The following COL3A1 variants were observed in gnomAD, a reference collection of about 807,000 sequenced individuals.
COL3A1 encodes the protein collagen alpha-1(III) chain.
A neutral mutation model predicts 200.9 loss-of-function variants in COL3A1; 46 were observed. That is an observed-to-expected ratio of 0.23 (90% CI 0.18 to 0.29). The LOEUF (loss-of-function observed/expected upper bound fraction) is 0.29. COL3A1 is among the 10% of genes least tolerant of loss of function. The pLI, the probability that COL3A1 is intolerant of heterozygous loss-of-function variation, is 1.00. For synonymous variants in COL3A1, 650 were observed against 628.0 expected (o/e 1.03, Z -0.52); for missense variants, 1,367 against 1,917.6 (o/e 0.71, Z 5.36).
Position 188,994,489 on chromosome 2 carries a change from T to C in COL3A1, c.1294-52T>C, listed in dbSNP as rs1688257137. 1 of 1,597,348 alleles carries C rather than the reference T, an allele frequency of 6.3e-7. No individual in the cohort carries two copies. Among genetic ancestry groups the C allele is most frequent in the African/African-American group, 1.3e-5 (1 of 74,674 alleles). ...CTGAATTATGTGTTACTGGTGATGA[T>C]TTGTTAGTCGAATCCTCCCTGTGTT... On this transcript the variant is annotated intron_variant, in intron 18 of 50. Coordinates refer to ENST00000304636, the MANE Select transcript of COL3A1 (RefSeq NM_000090.4). This position sits in a 1 kb window ranked among gnomAD's most constrained non-coding sequence, Gnocchi z 4.5.
At chr2:188,999,176 T>C in intron 29 of COL3A1, 109 bp from the exon 30 acceptor site, 1 of 1,037,256 alleles carries the variant, frequency 9.6e-7, no homozygotes, top group Non-Finnish European at 1.5e-6. Context: ...ATTTCTAGAT[T>C]GTTCACAATA....
chr2:188,985,122 T>C (rs1688037361), intron 2 of COL3A1, 75 bp from the exon 3 acceptor site: 1 of 1,474,996 alleles, frequency 6.8e-7, no homozygotes, highest in Non-Finnish European at 9.5e-7. Context: ...AAGATAAGGA[T>C]TGGTTAGAAT....
At chr2:188,993,259 A>G in intron 15 of COL3A1, 102 bp from the exon 16 acceptor site, 2 of 964,192 alleles carry the variant, frequency 2.1e-6, no homozygotes, top group Non-Finnish European at 3.3e-6. Flanking sequence ...GAGTCCCACT[A>G]CTCCAACTTT....
intron 5 of COL3A1, among the ~76,000 whole-genome samples, chr2:188,987,368 C>G (rs1057217354): frequency 6.7e-6 from 1 of 148,580 alleles, no homozygotes; most frequent in Admixed American, 6.7e-5. Context: ...AAAAAAAAAC[C>G]AAAGTCAACA....
intron 26 of COL3A1, 49 bp downstream of exon 26, chr2:188,997,438 G>C (rs1465732073): frequency 6.4e-7 from 1 of 1,557,310 alleles, no homozygotes; most frequent in African/African-American, 1.4e-5. Context: ...TGGAGGTGGG[G>C]CAGGAAGAAT....
At chr2:188,990,913 G>T (rs1688173948) in intron 10 of COL3A1, 91 bp from the exon 11 acceptor site, 3 of 1,309,092 alleles carry the variant, frequency 2.3e-6, no homozygotes, top group South Asian at 1.2e-5. Flanking sequence ...GTGTTATGAA[G>T]ACCAATTAGA....
chr2:189,002,911 A>T (rs779839844), intron 35 of COL3A1, 44 bp from the exon 36 acceptor site: 145 of 1,336,934 alleles, frequency 1.1e-4, no homozygotes, highest in Non-Finnish European at 1.5e-4. Context: ...CAATTGTATC[A>T]TAAAGAGTGT....
chr2:188,994,680 T>G lies in COL3A1; in HGVS notation c.1348-44T>G, dbSNP rs751594745. 3 of 1,611,890 alleles carry G rather than the reference T, an allele frequency of 1.9e-6. No individual in the cohort carries two copies. The South Asian group carries it at 3.3e-5, about 18-fold the overall frequency. On this transcript the variant is annotated intron_variant, in intron 19 of 50. Transcript: ENST00000304636. The surrounding 1 kb of genome is among the most constrained non-coding windows in gnomAD (Gnocchi z 4.5). Reference sequence around the variant, plus strand: ...AAACAGGTAAAAACTTTGAACTAAATTCAGTCATAATTTCTTTATTTTACC... The same window carrying G: ...AAACAGGTAAAAACTTTGAACTAAAGTCAGTCATAATTTCTTTATTTTACC...
rs1688542098 is a variant in COL3A1 at position 189,004,368 on chromosome 2, A to G, written c.2931+4A>G. The stretch of plus-strand genomic sequence containing the variant: ...CCCTGGCCCTCAGGGTGTCAAGGTG[A>G]GTATAGTCATTTTCCACTACACTCT... On this transcript the variant is annotated splice_donor_region_variant and intron_variant, in intron 40 of 50. Coordinates refer to ENST00000304636, the MANE Select transcript of COL3A1 (RefSeq NM_000090.4). 1 of 1,585,720 alleles carries G rather than the reference A, an allele frequency of 6.3e-7. No homozygotes were observed.
intron 23 of COL3A1, 39 bp downstream of exon 23, chr2:188,996,217 TAAA>T: frequency 6.4e-7 from 1 of 1,560,020 alleles, no homozygotes; most frequent in Non-Finnish European, 8.8e-7. Flanking sequence ...AAAGGCCAGT[TAAA>T]ATGGAATGTA....
chr2:189,008,356 G>T lies in COL3A1; in HGVS notation c.3525+214G>T, dbSNP rs573321243. The T allele has an allele frequency of 1.5e-4, 87 of 572,352 alleles. 2 individuals carry two copies. The South Asian group carries it at 1.5e-3, about 10-fold the overall frequency. The allele number at this position is 572,352 out of a possible 1,614,324, so 35.5% of individuals were successfully genotyped here. A position where few individuals can be genotyped will look rare whatever the true frequency, so the allele number is the denominator to read the frequency against. On this transcript the variant is annotated intron_variant, in intron 47 of 50. Coordinates refer to ENST00000304636, the MANE Select transcript of COL3A1 (RefSeq NM_000090.4). ...AATACCTTTTTAAAAATTTGATCAG[G>T]TATCCATCGTATCAGAATAATGACA... is the stretch of plus-strand genomic sequence containing the variant.
At position 188,994,657 on chromosome 2, in the gene COL3A1, A is replaced by G; in HGVS notation, c.1347+63A>G. On this transcript the variant is annotated intron_variant, in intron 19 of 50. Coordinates refer to ENST00000304636, the MANE Select transcript of COL3A1 (RefSeq NM_000090.4). The surrounding 1 kb of genome is among the most constrained non-coding windows in gnomAD (Gnocchi z 4.5). ...AAAATGCAACATAATTAGAAAGTAAACAGGTAAAAACTTTGAACTAAATTC... is the reference window on the plus strand; with the variant it reads ...AAAATGCAACATAATTAGAAAGTAAGCAGGTAAAAACTTTGAACTAAATTC... 2 of 1,611,956 alleles carry G rather than the reference A, an allele frequency of 1.2e-6. No homozygotes were observed. The highest frequency in any genetic ancestry group is 1.7e-6 in the Non-Finnish European group (2 of 1,178,224).
intron 7 of COL3A1, 71 bp from the exon 8 acceptor site, chr2:188,989,325 T>G: frequency 8.8e-7 from 1 of 1,137,386 alleles, no homozygotes. Flanking sequence ...CAGGAATACA[T>G]ACACTGTGTA....
chr2:189,002,319 C>T lies in COL3A1; in HGVS notation c.2413C>T (p.Pro805Ser). 1 of 1,613,938 alleles carries T rather than the reference C, an allele frequency of 6.2e-7. No homozygotes were observed. The highest frequency in any genetic ancestry group is 8.5e-7 in the Non-Finnish European group (1 of 1,179,892). ...GSPGERGETG[P>S]PGPAGFPGAP... ...TCAGGGTGAGAGAGGTGAAACTGGC[C>T]CTCCAGGACCTGCTGGTTTCCCTGG... Residue 805 changes from proline (P) to serine (S), a missense_variant, in exon 35 of 51, where the codon CCT (proline) becomes TCT (serine). Pro to Ser is a moderately conservative substitution (Grantham distance 74). Around this residue, in one of 5 missense-constraint regions of COL3A1, gnomAD observed 846 missense variants for 1,147.9 expected, o/e 0.74. Transcript: ENST00000304636.
chr2:189,002,229 A>G (rs1247185451), intron 34 of COL3A1, 69 bp from the exon 35 acceptor site: 1 of 1,238,302 alleles, frequency 8.1e-7, no homozygotes, highest in Non-Finnish European at 1.2e-6. Flanking sequence ...AGATGATAAG[A>G]TGACATTTCC....
intron 24 of COL3A1, 125 bp downstream of exon 24, chr2:188,996,621 A>T: frequency 1.3e-6 from 1 of 771,912 alleles, no homozygotes; most frequent in Non-Finnish European, 2.2e-6. Context: ...ATGAAAATCA[A>T]ATTGCATGTA....
rs191261230 is a variant in COL3A1 at position 188,988,982 on chromosome 2, A to G, written c.636+339A>G. ...TACTGATAAATATAGTTATATATTT[A>G]CATATGTAAATATACATATACATAT... On this transcript the variant is annotated intron_variant, in intron 7 of 50. Transcript: ENST00000304636. 2.6e-4 allele frequency among the ~76,000 whole-genome samples: 39 copies of G among 151,938 alleles called. No homozygotes were observed. The East Asian group carries it at 6.6e-3, about 26-fold the overall frequency.
chr2:188,977,215 T>C (rs1576457059), intron 1 of COL3A1, among the ~76,000 whole-genome samples: 1 of 152,128 alleles, frequency 6.6e-6, no homozygotes, highest in African/African-American at 2.4e-5. Flanking sequence ...AGATAGATTA[T>C]AGACAGCTGT....
At chr2:188,997,537 T>TGCTA in intron 26 of COL3A1, 148 bp downstream of exon 26, 1 of 1,134,776 alleles carries the variant, frequency 8.8e-7, no homozygotes, top group East Asian at 2.5e-5. Context: ...TCTAGCTAAA[T>TGCTA]GCTAGCATTG....
Sources: allele counts gnomAD v4.1 joint callset (sites outside exome capture counted in the v4.1 genomes callset), GRCh38; gene constraint gnomAD v4.1.1; regional missense constraint gnomAD v4.1.1; non-coding constraint Gnocchi (gnomAD v3.1); transcripts MANE v1.5; gene names NCBI Gene and HGNC (gene_info 2026-07-23, HGNC 2026-07-21).